ATIC: variants seen among roughly 807,000 people sequenced by gnomAD.
ATIC encodes the protein 5-aminoimidazole-4-carboxamide ribonucleotide formyltransferase/IMP cyclohydrolase, also known as bifunctional purine biosynthesis protein ATIC.
ATIC carries 64 observed loss-of-function variants against 72.5 expected under a neutral mutation model. That is an observed-to-expected ratio of 0.88 (90% CI 0.72 to 1.09). The LOEUF (loss-of-function observed/expected upper bound fraction) is 1.09, where lower values mean the gene tolerates loss of function less well. Ranked by LOEUF, ATIC falls within the 50% of genes least tolerant of loss-of-function variation. The probability of loss-of-function intolerance (pLI) is 0.00; values close to 1 mark genes in which losing one functional copy is unlikely to be tolerated. For missense variants in ATIC, 787 were observed against 732.4 expected (o/e 1.07, Z -0.86); for synonymous variants, 281 against 267.1 (o/e 1.05, Z -0.51).
At chr2:215,339,487 C>A (rs34797859) in intron 12 of ATIC, among the ~76,000 whole-genome samples, 20,716 of 152,146 alleles carry the variant, frequency 0.14, 1,834 homozygotes, top group East Asian at 0.5. Context: ...CTGCACTCCT[C>A]TCTGGGTGAC....
intron 7 of ATIC, 49 bp downstream of exon 7, chr2:215,327,027 G>A: frequency 3.1e-6 from 5 of 1,611,294 alleles, no homozygotes; most frequent in Non-Finnish European, 4.2e-6. Context: ...TGGAGAGTGT[G>A]TGTTTCTCTG....
At chr2:215,335,274 A>G (rs1423312596) in intron 10 of ATIC, among the ~76,000 whole-genome samples, 2 of 152,080 alleles carry the variant, frequency 1.3e-5, no homozygotes. Flanking sequence ...CTTCATGCCA[A>G]AGTTACTGTT....
chr2:215,349,617 A>G lies in ATIC; in HGVS notation c.1741A>G (p.Ile581Val), dbSNP rs755234940. 6.2e-7 allele frequency: 1 copy of G among 1,614,166 alleles called. No individual in the cohort carries two copies. Among genetic ancestry groups the G allele is most frequent in the Non-Finnish European group, 8.5e-7 (1 of 1,180,030 alleles). The change falls in exon 16 of 16, where the codon ATC (isoleucine) becomes GTC (valine). Residue 581 changes from isoleucine to valine, a missense_variant. Ile to Val is a conservative substitution (Grantham distance 29). Transcript: ENST00000236959. ...VIEACDELGI[I>V]LAHTNLRLFH... ...TGAGGCCTGCGACGAACTGGGAATC[A>G]TCCTCGCTCATACGAACCTTCGGCT...
Position 215,336,110 on chromosome 2 carries a change from T to A in ATIC, c.1084T>A (p.Tyr362Asn). The change falls in exon 11 of 16, where the codon TAT (tyrosine) becomes AAT (asparagine). Residue 362 changes from tyrosine (Y) to asparagine (N), a missense_variant. Physicochemically the swap from Tyr to Asn is moderately radical, Grantham distance 143. Transcript: ENST00000236959. ...TILSKKKNGN[Y>N]CVLQMDQSYK... ...ACTTTCCAAAAAGAAAAATGGAAACTATTGTGTCCTTCAGGTGAGTGCAAT... is the reference window on the plus strand; with the variant it reads ...ACTTTCCAAAAAGAAAAATGGAAACAATTGTGTCCTTCAGGTGAGTGCAAT... 6.2e-7 allele frequency: 1 copy of A among 1,611,566 alleles called. No individual in the cohort carries two copies. The highest frequency in any genetic ancestry group is 8.5e-7 in the Non-Finnish European group (1 of 1,177,828).
the ATIC span, among the ~76,000 whole-genome samples, chr2:215,365,965 TA>T: frequency 1.0e-5 from 1 of 97,638 alleles, no homozygotes; most frequent in African/African-American, 3.6e-5. Flanking sequence ...CCCACAGTGC[TA>T]TTTTTTTTTT....
chr2:215,359,413 TAG>T, the ATIC span, among the ~76,000 whole-genome samples: 3 of 152,282 alleles, frequency 2.0e-5, no homozygotes, highest in Non-Finnish European at 2.9e-5. Flanking sequence ...CCACAGTGTG[TAG>T]ATTGGCATCG....
At chr2:215,324,030 G>A (rs2052796735) in intron 4 of ATIC, among the ~76,000 whole-genome samples, 1 of 152,144 alleles carries the variant, frequency 6.6e-6, no homozygotes, top group Admixed American at 6.5e-5. Flanking sequence ...CCAAAGTGCT[G>A]GGATTGCAGG....
intron 8 of ATIC, 28 bp from the exon 9 acceptor site, chr2:215,333,322 G>C: frequency 6.3e-7 from 1 of 1,597,386 alleles, no homozygotes; most frequent in Non-Finnish European, 8.6e-7. Flanking sequence ...AGCTTTCTTT[G>C]TTTATGATTT....
At chr2:215,340,290 CA>C (rs1322310869) in intron 12 of ATIC, among the ~76,000 whole-genome samples, 1 of 152,044 alleles carries the variant, frequency 6.6e-6, no homozygotes, top group African/African-American at 2.4e-5. Context: ...GTGAAGATCA[CA>C]AAATTGTACC....
At chr2:215,344,366 T>C (rs1029741780) in intron 12 of ATIC, among the ~76,000 whole-genome samples, 2 of 152,158 alleles carry the variant, frequency 1.3e-5, no homozygotes, top group Non-Finnish European at 2.9e-5. Flanking sequence ...AACTATGTTG[T>C]AGGTCTTTTA....
intron 3 of ATIC, among the ~76,000 whole-genome samples, chr2:215,319,281 C>T (rs2052742510): frequency 6.6e-6 from 1 of 152,104 alleles, no homozygotes; most frequent in Non-Finnish European, 1.5e-5. Flanking sequence ...TGGCTCTTGC[C>T]TGTAGTCCCA....
At chr2:215,344,249 C>T (rs1160139596) in intron 12 of ATIC, among the ~76,000 whole-genome samples, 2 of 152,142 alleles carry the variant, frequency 1.3e-5, no homozygotes, top group Admixed American at 1.3e-4. Context: ...GAGTTTGTGT[C>T]TATGGATGCA....
intron 12 of ATIC, 80 bp from the exon 13 acceptor site, chr2:215,344,699 A>T: frequency 7.2e-7 from 1 of 1,387,590 alleles, no homozygotes; most frequent in South Asian, 1.2e-5. Flanking sequence ...AACCACAAAA[A>T]ATAATATTTA....
chr2:215,357,853 T>C, the ATIC span, among the ~76,000 whole-genome samples: 1 of 152,082 alleles, frequency 6.6e-6, no homozygotes, highest in Admixed American at 6.5e-5. Context: ...GCGGTCTTTT[T>C]TTTTTTTTCT....
the ATIC span, chr2:215,361,002 A>T: frequency 2.5e-5 from 4 of 157,272 alleles, no homozygotes. Flanking sequence ...TTTCAATACA[A>T]TTTTTTCCGT....
intron 9 of ATIC, 27 bp downstream of exon 9, chr2:215,333,484 G>A: frequency 6.3e-7 from 1 of 1,584,186 alleles, no homozygotes; most frequent in Non-Finnish European, 8.7e-7. Context: ...TTTTTGATTT[G>A]GGGGAGAAAG....
intron 4 of ATIC, among the ~76,000 whole-genome samples, chr2:215,323,629 A>G (rs2052792785): frequency 1.3e-5 from 2 of 152,166 alleles, no homozygotes; most frequent in Admixed American, 1.3e-4. Context: ...TTTTCTGTAT[A>G]CTAGGTGGTA....
At chr2:215,357,033 T>G in the ATIC span, among the ~76,000 whole-genome samples, 4 of 152,338 alleles carry the variant, frequency 2.6e-5, no homozygotes, top group African/African-American at 9.6e-5. Context: ...CCGCACCGTT[T>G]TACATTTCCA....
chr2:215,330,065 A>G (rs997916704), intron 7 of ATIC, among the ~76,000 whole-genome samples: 3 of 152,178 alleles, frequency 2.0e-5, no homozygotes, highest in Non-Finnish European at 4.4e-5. Context: ...ACCCATCCAG[A>G]TACGCTTAAC....
Sources: gnomAD v4.1 joint callset for allele counts (sites outside exome capture counted in the v4.1 genomes callset) on GRCh38, gnomAD v4.1.1 for gene constraint, MANE v1.5 for transcripts, NCBI Gene and HGNC (gene_info 2026-07-23, HGNC 2026-07-21) for gene names.